MID1: variants seen among roughly 807,000 people sequenced by gnomAD.
MID1 encodes E3 ubiquitin-protein ligase Midline-1.
A neutral mutation model predicts 40.4 loss-of-function variants in MID1; 7 were observed. The observed-to-expected ratio is 0.17, with a 90% CI of 0.10 to 0.33. The LOEUF is 0.33. Ranked by LOEUF, MID1 falls within the 10% of genes least tolerant of loss-of-function variation. The pLI is 1.00. For missense variants in MID1, 367 were observed against 558.5 expected, an observed-to-expected ratio of 0.66 and a Z score of 3.46; for synonymous variants, 229 against 221.2, an observed-to-expected ratio of 1.04 and a Z score of -0.31.
chrX:10,593,925 T>C (rs182790605), intron 1 of MID1, among the ~76,000 whole-genome samples: 4 of 111,117 alleles, frequency 3.6e-5, no homozygotes, highest in Non-Finnish European at 7.6e-5. Flanking sequence ...GAGCACACAG[T>C]AGGGTTTTCA....
intron 1 of MID1, among the ~76,000 whole-genome samples, chrX:10,727,978 G>T (rs1229618030): frequency 8.9e-6 from 1 of 112,031 alleles, no homozygotes; most frequent in African/African-American, 3.2e-5. Context: ...GTTCAAACTT[G>T]AATTCCGAAA....
At chrX:10,483,401 T>C (rs1930448162) in intron 4 of MID1, among the ~76,000 whole-genome samples, 1 of 112,013 alleles carries the variant, frequency 8.9e-6, no homozygotes, top group African/African-American at 3.2e-5. Flanking sequence ...CGCTTGAAAA[T>C]GTCCCTCAAA....
At chrX:10,489,327 C>A (rs1217647115) in intron 4 of MID1, among the ~76,000 whole-genome samples, 1 of 112,031 alleles carries the variant, frequency 8.9e-6, no homozygotes, top group Non-Finnish European at 1.9e-5. Flanking sequence ...GTCAAGATCT[C>A]CTCCACGTTT....
intron 1 of MID1, among the ~76,000 whole-genome samples, chrX:10,602,108 AG>A (rs1315914831): frequency 9.4e-6 from 1 of 106,860 alleles, no homozygotes; most frequent in Non-Finnish European, 1.9e-5. Flanking sequence ...CATGTTAGCC[AG>A]GATGGTCTCG....
chrX:10,771,805 G>A (rs549925742), intron 1 of MID1, among the ~76,000 whole-genome samples: 2 of 108,860 alleles, frequency 1.8e-5, no homozygotes, highest in South Asian at 4.0e-4. Flanking sequence ...CACCGCGCCC[G>A]GCCACATTTA....
chrX:10,522,686 C>CG (rs1569083433), intron 3 of MID1, among the ~76,000 whole-genome samples: 1 of 111,200 alleles, frequency 9.0e-6, no homozygotes, highest in African/African-American at 3.3e-5. Flanking sequence ...TTAGTAGAGA[C>CG]GGGGTTTCAC....
intron 1 of MID1, among the ~76,000 whole-genome samples, chrX:10,595,191 G>A (rs1935388686): frequency 9.0e-6 from 1 of 111,612 alleles, no homozygotes; most frequent in Non-Finnish European, 1.9e-5. Flanking sequence ...GGGTTTTTCT[G>A]ACTCTTAAAG....
intron 2 of MID1, among the ~76,000 whole-genome samples, chrX:10,547,294 C>T (rs1933718896): frequency 1.8e-5 from 2 of 110,994 alleles, no homozygotes; most frequent in African/African-American, 6.6e-5. Context: ...AGAAGGAGGC[C>T]GGGCACAGTG....
chrX:10,542,166 T>A (rs1241892896), intron 2 of MID1, among the ~76,000 whole-genome samples: 3 of 112,196 alleles, frequency 2.7e-5, no homozygotes. Flanking sequence ...AAACAAAACA[T>A]CCCTCAACTC....
chrX:10,583,868 T>C (rs1389742354), intron 1 of MID1, among the ~76,000 whole-genome samples: 1 of 109,715 alleles, frequency 9.1e-6, no homozygotes, highest in East Asian at 2.9e-4. Context: ...CCGTCTCTAC[T>C]AAAAATACAA....
rs1201517594 is a variant in MID1 at position 10,793,511 on chromosome X, C to T, written c.-187+40043G>A. The stretch of plus-strand genomic sequence containing the variant: ...CAAGCAAGTTCACAATGTCGCCATC[C>T]CGATTTCAGCCATAGCCTCCCAACT... On this transcript the variant is annotated intron_variant, in intron 1 of 10. Transcript: ENST00000380785. 2.7e-5 allele frequency among the ~76,000 whole-genome samples: 3 copies of T among 112,064 alleles called. No individual in the cohort carries two copies. In the Admixed American group the frequency reaches 2.8e-4, roughly 11 times the overall value.
chrX:10,489,436 T>C (rs1359773650), intron 4 of MID1, among the ~76,000 whole-genome samples: 1 of 112,312 alleles, frequency 8.9e-6, no homozygotes, highest in East Asian at 2.8e-4. Flanking sequence ...TCAAACTTCA[T>C]ATTCTTACAT....
At chrX:10,451,309 A>AG (rs1332936944) in intron 9 of MID1, among the ~76,000 whole-genome samples, 2 of 111,574 alleles carry the variant, frequency 1.8e-5, no homozygotes, top group Non-Finnish European at 3.8e-5. Flanking sequence ...TGCTTAGAGG[A>AG]GGGGAAACAC....
intron 3 of MID1, among the ~76,000 whole-genome samples, chrX:10,511,437 G>C (rs1001266839): frequency 9.0e-5 from 10 of 111,392 alleles, no homozygotes; most frequent in African/African-American, 3.3e-4. Context: ...CTGGAGTCCA[G>C]TGGTACAATC....
In MID1 at chrX:10,771,851, T is replaced by A. The variant is rs191831497; in HGVS notation, c.-187+61703A>T. ...ATTGATTATTAGTCATTTCCTAGTA[T>A]ATTAAGCAATCCAAAAATTTTAAAA... On this transcript the variant is annotated intron_variant, in intron 1 of 10. Transcript: ENST00000380785. 8.6e-3 allele frequency among the ~76,000 whole-genome samples: 939 copies of A among 109,791 alleles called. 6 individuals are homozygous for A. Among genetic ancestry groups the A allele is most frequent in the Non-Finnish European group, 0.014 (750 of 52,782 alleles).
At chrX:10,490,836 G>A (rs1930906311) in intron 4 of MID1, among the ~76,000 whole-genome samples, 1 of 111,762 alleles carries the variant, frequency 8.9e-6, no homozygotes, top group Non-Finnish European at 1.9e-5. Context: ...GCAAGTTGAT[G>A]GACATTTTCA....
intron 1 of MID1, among the ~76,000 whole-genome samples, chrX:10,630,415 G>T (rs751292479): frequency 9.0e-6 from 1 of 111,155 alleles, no homozygotes; most frequent in Non-Finnish European, 1.9e-5. Context: ...GATTGCAGAA[G>T]CTGTGAGGCC....
chrX:10,698,910 C>T, intron 1 of MID1, among the ~76,000 whole-genome samples: 1 of 111,250 alleles, frequency 9.0e-6, no homozygotes, highest in East Asian at 2.8e-4. Flanking sequence ...AACAAATAAA[C>T]CTTACTAAAA....
chrX:10,683,068 G>A (rs1330401790), intron 1 of MID1, among the ~76,000 whole-genome samples: 2 of 111,677 alleles, frequency 1.8e-5, no homozygotes, highest in Non-Finnish European at 3.8e-5. Flanking sequence ...GGCATACTGT[G>A]CTCAATTGTA....
Sources: gnomAD v4.1 joint callset for allele counts (sites outside exome capture counted in the v4.1 genomes callset) on GRCh38, gnomAD v4.1.1 for gene constraint, MANE v1.5 for transcripts, NCBI Gene and HGNC (gene_info 2026-07-23, HGNC 2026-07-21) for gene names.